The following FMN2 variants were observed in gnomAD, a reference collection of about 807,000 sequenced individuals.
FMN2 encodes formin-2.
Under a neutral mutation model 142.3 loss-of-function variants are expected in FMN2, and 51 were observed. The ratio of observed to expected loss-of-function variants is 0.36; its 90% CI spans 0.29 to 0.45. The LOEUF (loss-of-function observed/expected upper bound fraction) is 0.45. Ranked by LOEUF, FMN2 falls within the 20% of genes least tolerant of loss-of-function variation. The pLI, the probability that FMN2 is intolerant of heterozygous loss-of-function variation, is 1.00. For synonymous variants in FMN2, 882 were observed against 869.8 expected, an observed-to-expected ratio of 1.01 and a Z score of -0.25; for missense variants, 1,936 against 2,122.8, an observed-to-expected ratio of 0.91 and a Z score of 1.73.
chr1:240,123,519 A>AAG lies in FMN2; in HGVS notation c.1782+175_1782+176insGA, dbSNP rs1553327814. On this transcript the variant is annotated intron_variant, in intron 2 of 17. Coordinates refer to ENST00000319653, the MANE Select transcript of FMN2 (RefSeq NM_020066.5). ...CTGTTTGTACACAAAAAAAAAAAAA[A>AAG]AAAGAAAGAAAAAAAACTAGCGTAT... Among the ~76,000 whole-genome samples the AAG allele has an allele frequency of 4.4e-4, 66 of 150,942 alleles. 2 individuals carry two copies. In the South Asian group the frequency reaches 4.6e-3, roughly 10 times the overall value.
chr1:240,240,138 G>A (rs899193115), intron 6 of FMN2, among the ~76,000 whole-genome samples: 6 of 152,150 alleles, frequency 3.9e-5, no homozygotes, highest in Admixed American at 1.3e-4. Context: ...ATGAGGCATC[G>A]TGTGTCTCAT....
intron 7 of FMN2, among the ~76,000 whole-genome samples, chr1:240,267,106 TTAAAC>T (rs1479559998): frequency 6.6e-6 from 1 of 152,030 alleles, no homozygotes; most frequent in Non-Finnish European, 1.5e-5. Flanking sequence ...TGGAACCTAA[TTAAAC>T]TAAAGAGCTT....
chr1:240,226,999 G>A lies in FMN2; in HGVS notation c.4065+15764G>A, dbSNP rs187002001. On this transcript the variant is annotated intron_variant, in intron 6 of 17. Transcript: ENST00000319653. ...CAATGTGCTAGAAGTTCTAGTCAAG[G>A]CAATTAGGCAAGGGAAAGAAATAAA... Among the ~76,000 whole-genome samples the A allele has an allele frequency of 2.3e-4, 35 of 152,240 alleles. No homozygotes were observed. The East Asian group carries it at 6.7e-3, about 29-fold the overall frequency.
At chr1:240,276,294 C>G (rs1669206734) in intron 7 of FMN2, among the ~76,000 whole-genome samples, 2 of 152,040 alleles carry the variant, frequency 1.3e-5, no homozygotes. Context: ...GGGTTGAGGT[C>G]TTGTCATTTG....
chr1:240,153,943 C>T (rs1038211502), intron 2 of FMN2, among the ~76,000 whole-genome samples: 1 of 151,790 alleles, frequency 6.6e-6, no homozygotes, highest in Admixed American at 6.6e-5. Context: ...TGGCACAACC[C>T]TGCCTCTACT....
intron 15 of FMN2, 93 bp from the exon 16 acceptor site, chr1:240,437,968 C>T (rs1215530033): frequency 1.3e-5 from 19 of 1,429,254 alleles, no homozygotes; most frequent in East Asian, 2.3e-5. Context: ...AATAATTGTG[C>T]ATGAATAAAA....
Position 240,295,724 on chromosome 1 carries a change from A to G in FMN2, c.4215+841A>G, listed in dbSNP as rs571482719. ...TCTTATGAGTAGTGCTGCAGTGAAC[A>G]TGAAAGTACAGATATCTCTTCAACA... On this transcript the variant is annotated intron_variant, in intron 8 of 17. Coordinates refer to ENST00000319653, the MANE Select transcript of FMN2 (RefSeq NM_020066.5). 4.7e-4 allele frequency among the ~76,000 whole-genome samples: 72 copies of G among 152,350 alleles called. No homozygotes were observed. In the South Asian group the frequency reaches 0.015, roughly 31 times the overall value.
rs375018806 is a variant in FMN2 at position 240,330,615 on chromosome 1, G to T, written c.4450G>T (p.Gly1484Cys). 307 of 1,612,588 alleles carry T rather than the reference G, an allele frequency of 1.9e-4. 1 individual carries two copies. The South Asian group carries it at 2.3e-3, about 12-fold the overall frequency. Reference protein sequence around the residue: ...LQKLCETLKNGPGVMQVLGLV... With the variant: ...LQKLCETLKNCPGVMQVLGLV... ...TTCTGTTTTACAGACATTAAAAAAT[G>T]GCCCAGGGGTTATGCAGGTTCTAGG... is the stretch of plus-strand genomic sequence containing the variant. The change falls in exon 11 of 18, where the codon GGC (glycine) becomes TGC (cysteine). Residue 1484 changes from glycine to cysteine, a missense_variant. Coordinates refer to ENST00000319653, the MANE Select transcript of FMN2 (RefSeq NM_020066.5).
chr1:240,450,669 G>A (rs1053222219), intron 16 of FMN2, among the ~76,000 whole-genome samples: 2 of 152,178 alleles, frequency 1.3e-5, no homozygotes, highest in Non-Finnish European at 2.9e-5. Context: ...ATGAAAGAAC[G>A]TGCTCCTGGC....
intron 4 of FMN2, among the ~76,000 whole-genome samples, chr1:240,199,960 A>C (rs1666066364): frequency 6.6e-6 from 1 of 152,200 alleles, no homozygotes; most frequent in Admixed American, 6.5e-5. Context: ...TTGCACAATC[A>C]CTGGAAATGC....
intron 1 of FMN2, among the ~76,000 whole-genome samples, chr1:240,098,848 C>T (rs966359580): frequency 6.6e-6 from 1 of 152,044 alleles, no homozygotes; most frequent in East Asian, 1.9e-4. Flanking sequence ...GAGCTTTAGG[C>T]GTTTGGATAT....
intron 3 of FMN2, among the ~76,000 whole-genome samples, chr1:240,180,810 G>A (rs111785527): frequency 0.026 from 3,984 of 151,762 alleles, 171 homozygotes; most frequent in African/African-American, 0.092. Context: ...CAAGTGATCT[G>A]CCCGCCTCTG....
chr1:240,252,477 T>TGTAGG (rs1668307697), intron 6 of FMN2, among the ~76,000 whole-genome samples: 1 of 152,040 alleles, frequency 6.6e-6, no homozygotes, highest in Admixed American at 6.6e-5. Flanking sequence ...CTTTTGCTTG[T>TGTAGG]CTAGGAAAGA....
At chr1:240,352,104 G>T (rs983595734) in intron 13 of FMN2, among the ~76,000 whole-genome samples, 2 of 152,040 alleles carry the variant, frequency 1.3e-5, no homozygotes, top group African/African-American at 4.8e-5. Flanking sequence ...GCTAGCCTAC[G>T]TTATTAAACA....
At chr1:240,229,140 C>G (rs145972594) in intron 6 of FMN2, among the ~76,000 whole-genome samples, 20 of 152,004 alleles carry the variant, frequency 1.3e-4, no homozygotes, top group African/African-American at 4.8e-4. Flanking sequence ...GTTTTATTGC[C>G]TATTTTCATA....
chr1:240,404,002 T>G (rs921364764), intron 15 of FMN2, among the ~76,000 whole-genome samples: 6 of 152,188 alleles, frequency 3.9e-5, no homozygotes, highest in African/African-American at 1.4e-4. Flanking sequence ...TATTTCTGCA[T>G]GTAATATTGC....
At chr1:240,272,223 G>A (rs1228430566) in intron 7 of FMN2, among the ~76,000 whole-genome samples, 1 of 152,122 alleles carries the variant, frequency 6.6e-6, no homozygotes, top group Non-Finnish European at 1.5e-5. Flanking sequence ...TAAGATCAGT[G>A]GGTGACTGCG....
chr1:240,340,282 G>A (rs899479443), intron 13 of FMN2, among the ~76,000 whole-genome samples: 1 of 152,036 alleles, frequency 6.6e-6, no homozygotes, highest in African/African-American at 2.4e-5. Context: ...GTGAATGGGT[G>A]TTAAACTCTT....
chr1:240,299,862 C>T (rs563123160), intron 8 of FMN2, among the ~76,000 whole-genome samples: 15 of 151,978 alleles, frequency 9.9e-5, no homozygotes, highest in African/African-American at 2.2e-4. Context: ...GTGCACAAAG[C>T]GGAACAAGTT....
Sources: allele counts gnomAD v4.1 joint callset (sites outside exome capture counted in the v4.1 genomes callset), GRCh38; gene constraint gnomAD v4.1.1; transcripts MANE v1.5; gene names NCBI Gene and HGNC (gene_info 2026-07-23, HGNC 2026-07-21).